Variants in VBP1 observed in about 807,000 individuals in gnomAD.
The protein encoded by VBP1 is prefoldin subunit 3.
A neutral mutation model predicts 15.5 loss-of-function variants in VBP1; 4 were observed. The ratio of observed to expected loss-of-function variants is 0.26; its 90% CI spans 0.13 to 0.59. The LOEUF is 0.59. VBP1 is among the 20% of genes least tolerant of loss of function. VBP1 has a pLI of 0.90. For missense variants in VBP1, 108 were observed against 139.6 expected, an observed-to-expected ratio of 0.77 and a Z score of 1.14; for synonymous variants, 61 against 52.1, an observed-to-expected ratio of 1.17 and a Z score of -0.74.
At chrX:155,204,182 T>G (rs782629897) in intron 1 of VBP1, among the ~76,000 whole-genome samples, 13 of 111,382 alleles carry the variant, frequency 1.2e-4, no homozygotes, top group Non-Finnish European at 2.3e-4. Flanking sequence ...AGATGGAGTT[T>G]CACTCTGTCA....
intron 4 of VBP1, among the ~76,000 whole-genome samples, chrX:155,229,073 A>G: frequency 1.8e-5 from 2 of 111,870 alleles, no homozygotes; most frequent in East Asian, 5.6e-4. Flanking sequence ...GCAAGTTCTC[A>G]TACAAAGTAG....
intron 1 of VBP1, among the ~76,000 whole-genome samples, chrX:155,202,190 G>A (rs1389476208): frequency 1.9e-4 from 21 of 111,723 alleles, no homozygotes; most frequent in African/African-American, 6.5e-4. Context: ...ACTGCCCAAG[G>A]TAATTTATAG....
intron 1 of VBP1, among the ~76,000 whole-genome samples, chrX:155,204,870 CATTTT>C (rs782394795): frequency 3.3e-4 from 37 of 111,844 alleles, no homozygotes; most frequent in Non-Finnish European, 5.3e-4. Flanking sequence ...ATTGTTGTCT[CATTTT>C]GTTTTGTTTT....
intron 1 of VBP1, among the ~76,000 whole-genome samples, chrX:155,218,269 C>T (rs2074674265): frequency 9.0e-6 from 1 of 111,542 alleles, no homozygotes; most frequent in South Asian, 3.7e-4. Flanking sequence ...AGATTATTGG[C>T]CTCTAAATAG....
intron 1 of VBP1, among the ~76,000 whole-genome samples, chrX:155,203,437 A>T (rs1485347393): frequency 9.0e-6 from 1 of 110,716 alleles, no homozygotes; most frequent in Non-Finnish European, 1.9e-5. Context: ...GCCATAAAAA[A>T]TGATGAGTTC....
chrX:155,239,006 T>G lies in VBP1; in HGVS notation c.*164T>G. On this transcript the variant is annotated 3_prime_UTR_variant, in exon 6 of 6. Coordinates refer to ENST00000286428, the MANE Select transcript of VBP1 (RefSeq NM_003372.7). ...AAAAACAAAATTAGTTTCAAATATT[T>G]TTGACATTGTGATTTTTTTTTCCAC... The G allele has an allele frequency of 2.8e-6, 1 of 356,645 alleles. No individual in the cohort carries two copies. Among genetic ancestry groups the G allele is most frequent in the Non-Finnish European group, 4.6e-6 (1 of 215,311 alleles). 29.4% of individuals were successfully genotyped at this position (356,645 alleles called of 1,213,427 possible).
rs57301248 is a variant in VBP1, at chrX:155,228,363, AT to A, written c.286-10del. 2.7e-3 allele frequency: 2,447 copies of A among 906,421 alleles called. No individual in the cohort carries two copies. The highest frequency in any genetic ancestry group is 8.0e-3 in the African/African-American group (372 of 46,589). 74.7% of individuals were successfully genotyped at this position (906,421 alleles called of 1,213,427 possible). A position where few individuals can be genotyped will look rare whatever the true frequency, so the allele number is the denominator to read the frequency against. Reference sequence around the variant, plus strand: ...AAACTGGCCTGTTTATGGTACTGTCATTTTTTTTTTTGTTTTGAAGGAGTCC... The same window carrying A: ...AAACTGGCCTGTTTATGGTACTGTCATTTTTTTTTTGTTTTGAAGGAGTCC... On this transcript the variant is annotated intron_variant, in intron 3 of 5. Coordinates refer to ENST00000286428, the MANE Select transcript of VBP1 (RefSeq NM_003372.7).
chrX:155,223,925 C>T (rs1192577310), intron 2 of VBP1, among the ~76,000 whole-genome samples: 4 of 106,020 alleles, frequency 3.8e-5, no homozygotes, highest in East Asian at 3.1e-4. Flanking sequence ...ACCTCTCAGA[C>T]GGGGTGGCTG....
chrX:155,204,449 G>A (rs1309092310), intron 1 of VBP1, among the ~76,000 whole-genome samples: 1 of 111,848 alleles, frequency 8.9e-6, no homozygotes, highest in Non-Finnish European at 1.9e-5. Context: ...CACCACACCC[G>A]GCCAGAAAAG....
chrX:155,217,739 C>T (rs2124065661), intron 1 of VBP1, among the ~76,000 whole-genome samples: 1 of 111,638 alleles, frequency 9.0e-6, no homozygotes, highest in South Asian at 3.8e-4. Context: ...TTACAAAACT[C>T]GAGGTGGTAG....
intron 1 of VBP1, among the ~76,000 whole-genome samples, chrX:155,198,601 C>G (rs907676856): frequency 9.0e-6 from 1 of 110,595 alleles, no homozygotes; most frequent in African/African-American, 3.3e-5. Context: ...CACCAAAAAC[C>G]CATCTGTACA....
At chrX:155,210,290 T>C (rs2074640079) in intron 2 of VBP1, among the ~76,000 whole-genome samples, 1 of 110,726 alleles carries the variant, frequency 9.0e-6, no homozygotes, top group South Asian at 3.8e-4. Flanking sequence ...TCTACAAAAT[T>C]ACAAAATAAA....
intron 4 of VBP1, among the ~76,000 whole-genome samples, chrX:155,228,714 A>T (rs2074731631): frequency 1.8e-5 from 2 of 111,963 alleles, no homozygotes; most frequent in Non-Finnish European, 3.8e-5. Flanking sequence ...AAACATACTG[A>T]AGTCTCTCCC....
chrX:155,227,434 A>G, intron 3 of VBP1, 133 bp downstream of exon 3: 1 of 397,047 alleles, frequency 2.5e-6, no homozygotes, highest in Non-Finnish European at 4.2e-6. Context: ...CACATACACT[A>G]ATGTTATGAT....
intron 5 of VBP1, 85 bp downstream of exon 5, chrX:155,236,452 A>G: frequency 2.8e-6 from 3 of 1,053,715 alleles, no homozygotes; most frequent in Non-Finnish European, 3.8e-6. Context: ...GAGGGAGAGC[A>G]TTAGGAAAAA....
At chrX:155,219,629 A>G (rs1237905730) in intron 1 of VBP1, among the ~76,000 whole-genome samples, 3 of 111,963 alleles carry the variant, frequency 2.7e-5, no homozygotes, top group Non-Finnish European at 5.6e-5. Context: ...TGAATAGGCA[A>G]TGTATTTGAT....
upstream of VBP1, chrX:155,212,931 G>A (rs1473229115): frequency 8.9e-6 from 1 of 112,238 alleles, no homozygotes; most frequent in Non-Finnish European, 1.9e-5. Context: ...GTCCTCTCTT[G>A]TATAAACAGA....
intron 4 of VBP1, among the ~76,000 whole-genome samples, chrX:155,233,178 C>A (rs2124095837): frequency 8.9e-6 from 1 of 112,003 alleles, no homozygotes; most frequent in African/African-American, 3.2e-5. Flanking sequence ...TGCAGGGTCC[C>A]ACAAAGCCAG....
At chrX:155,229,195 A>C (rs2074734455) in intron 4 of VBP1, among the ~76,000 whole-genome samples, 1 of 112,182 alleles carries the variant, frequency 8.9e-6, no homozygotes, top group Non-Finnish European at 1.9e-5. Flanking sequence ...GGTTTGCTCA[A>C]AGTTTGTACA....
Sources: gnomAD v4.1 joint callset for allele counts (sites outside exome capture counted in the v4.1 genomes callset) on GRCh38, gnomAD v4.1.1 for gene constraint, MANE v1.5 for transcripts, NCBI Gene and HGNC (gene_info 2026-07-23, HGNC 2026-07-21) for gene names.